Variants in NME1 observed in about 807,000 individuals in gnomAD.
NME1 encodes NME/NM23 nucleoside diphosphate kinase 1.
NME1 carries 9 observed loss-of-function variants against 17.2 expected under a neutral mutation model. That is an observed-to-expected ratio of 0.52 (90% CI 0.32 to 0.92). The LOEUF is 0.92. NME1 is among the 40% of genes least tolerant of loss of function. The probability of loss-of-function intolerance (pLI) is 0.04; values close to 1 mark genes in which losing one functional copy is unlikely to be tolerated. For missense variants in NME1, 169 were observed against 201.7 expected, an observed-to-expected ratio of 0.84 and a Z score of 0.98; for synonymous variants, 72 against 70.8, an observed-to-expected ratio of 1.02 and a Z score of -0.09.
chr17:51,156,288 A>G (rs536653254), intron 2 of NME1: 4 of 213,132 alleles, frequency 1.9e-5, no homozygotes, highest in Non-Finnish European at 3.8e-5. Context: ...CAGAAACAGC[A>G]GAGAGCAGAT....
At chr17:51,153,843 A>T (rs1018304940) in intron 1 of NME1, 181 bp downstream of exon 1, 3 of 167,220 alleles carry the variant, frequency 1.8e-5, no homozygotes, top group Admixed American at 1.7e-4. Flanking sequence ...GTCCCACGCC[A>T]CGTGGACTCG....
Position 51,162,062 on chromosome 17 carries a change from T to C in NME1, c.*217T>C, listed in dbSNP as rs2049872017. On this transcript the variant is annotated 3_prime_UTR_variant, in exon 5 of 5. Coordinates refer to ENST00000393196, the MANE Select transcript of NME1 (RefSeq NM_000269.3). Reference sequence around the variant, plus strand: ...AGGATTCATTGAGTTGGTTACTTCATATTGTTGCATTGCTTTTTTTTCCTT... The same window carrying C: ...AGGATTCATTGAGTTGGTTACTTCACATTGTTGCATTGCTTTTTTTTCCTT... 1.9e-6 allele frequency: 1 copy of C among 531,734 alleles called. No homozygotes were observed. Among genetic ancestry groups the C allele is most frequent in the African/African-American group, 1.9e-5 (1 of 52,390 alleles). 32.9% of individuals were successfully genotyped at this position (531,734 alleles called of 1,614,324 possible).
Position 51,161,751 on chromosome 17 carries a change from C to G in NME1, c.365C>G (p.Ser122Cys). 1 of 1,613,732 alleles carries G rather than the reference C, an allele frequency of 6.2e-7. No individual in the cohort carries two copies. Among genetic ancestry groups the G allele is most frequent in the African/African-American group, 1.3e-5 (1 of 75,056 alleles). ...VGRNIIHGSD[S>C]VESAEKEIGL... is the part of the protein sequence containing the mutation. Reference sequence around the variant, plus strand: ...AGGAACATTATACATGGCAGTGATTCTGTGGAGAGTGCAGAGAAGGAGATC... The same window carrying G: ...AGGAACATTATACATGGCAGTGATTGTGTGGAGAGTGCAGAGAAGGAGATC... The change falls in exon 5 of 5, where the codon TCT becomes TGT. Residue 122 changes from serine (S) to cysteine (C), a missense_variant. Transcript: ENST00000393196.
chr17:51,158,095 C>T (rs2049812728), intron 2 of NME1, among the ~76,000 whole-genome samples: 1 of 152,154 alleles, frequency 6.6e-6, no homozygotes, highest in Non-Finnish European at 1.5e-5. Context: ...GCCTGGCCAA[C>T]GTGGTGAAAC....
rs758225559 is a variant in NME1 at position 51,161,798 on chromosome 17, G to C, written c.412G>C (p.Glu138Gln). 6.2e-7 allele frequency: 1 copy of C among 1,614,050 alleles called. No homozygotes were observed. The highest frequency in any genetic ancestry group is 8.5e-7 in the Non-Finnish European group (1 of 1,179,926). Residue 138 changes from glutamate to glutamine, a missense_variant, in exon 5 of 5, where the codon GAA (glutamate) becomes CAA (glutamine). By Grantham distance (29) the Glu-to-Gln change is conservative. Coordinates refer to ENST00000393196, the MANE Select transcript of NME1 (RefSeq NM_000269.3). ...GATCGGCTTGTGGTTTCACCCTGAG[G>C]AACTGGTAGATTACACGAGCTGTGC... ...KEIGLWFHPE[E>Q]LVDYTSCAQN...
chr17:51,157,129 G>A (rs1241493742), intron 2 of NME1, among the ~76,000 whole-genome samples: 2 of 151,764 alleles, frequency 1.3e-5, no homozygotes, highest in African/African-American at 4.8e-5. Flanking sequence ...TACTTCCTAT[G>A]TGATATTTTA....
At chr17:51,155,349 G>A (rs1420529732) in intron 1 of NME1, among the ~76,000 whole-genome samples, 1 of 152,012 alleles carries the variant, frequency 6.6e-6, no homozygotes, top group Non-Finnish European at 1.5e-5. Context: ...AAGAGTTCGA[G>A]ACCAGCGTGG....
At chr17:51,154,556 T>C in intron 1 of NME1, 1 of 880,624 alleles carries the variant, frequency 1.1e-6, no homozygotes, top group Non-Finnish European at 1.9e-6. Flanking sequence ...TGTCTGTAGT[T>C]CTCCCACACC....
intron 3 of NME1, among the ~76,000 whole-genome samples, chr17:51,160,778 C>G (rs1301639585): frequency 6.6e-6 from 1 of 151,826 alleles, no homozygotes. Context: ...CCCAGCTAAT[C>G]TTTTCGTATT....
chr17:51,160,610 CTTT>C (rs1161137953), intron 3 of NME1: 652 of 182,364 alleles, frequency 3.6e-3, no homozygotes, highest in South Asian at 8.2e-3. Flanking sequence ...CTTGGCATTT[CTTT>C]TTTTTTTTTT....
rs181764594 is a variant in NME1 at position 51,154,424 on chromosome 17, T to A, written c.-5+762T>A. ...TCGTCTTTCAAGGCGAGGGGCCTCC[T>A]ATCTCAAGCTGTGATACAGGGTAGG... On this transcript the variant is annotated intron_variant, in intron 1 of 4. Coordinates refer to ENST00000393196, the MANE Select transcript of NME1 (RefSeq NM_000269.3). 7 of 1,612,498 alleles carry A rather than the reference T, an allele frequency of 4.3e-6. No homozygotes were observed. In the Admixed American group the frequency reaches 8.3e-5, roughly 19 times the overall value.
intron 1 of NME1, chr17:51,154,551 G>C: frequency 1.1e-6 from 1 of 946,476 alleles, no homozygotes; most frequent in Non-Finnish European, 1.7e-6. Context: ...CCTAATGTCT[G>C]TAGTTCTCCC....
In NME1 at chr17:51,154,487, C is replaced by T. The variant is rs370847734; in HGVS notation, c.-5+825C>T. 1.8e-5 allele frequency: 28 copies of T among 1,528,364 alleles called. No homozygotes were observed. In the African/African-American group the frequency reaches 3.6e-4, roughly 19 times the overall value. The allele number at this position is 1,528,364 out of a possible 1,614,324, so 94.7% of individuals were successfully genotyped here. On this transcript the variant is annotated intron_variant, in intron 1 of 4. Coordinates refer to ENST00000393196, the MANE Select transcript of NME1 (RefSeq NM_000269.3). ...TCTTCTGTAAAATGAGGGATCTGGA[C>T]GGAATAGTTACTCTCTAGGCTTCCT...
Position 51,155,782 on chromosome 17 carries a change from T to C in NME1, c.126+2T>C. On this transcript the variant is annotated splice_donor_variant, in intron 2 of 4. Transcript: ENST00000393196. LOFTEE classifies it high-confidence loss of function. ...CTTGTTGGTCTGAAATTCATGCAAG[T>C]AAGTGGACTTCATTGTTCCCATTTT... 1 of 1,613,554 alleles carries C rather than the reference T, an allele frequency of 6.2e-7. No homozygotes were observed. Among genetic ancestry groups the C allele is most frequent in the South Asian group, 1.1e-5 (1 of 91,064 alleles).
intron 2 of NME1, among the ~76,000 whole-genome samples, chr17:51,156,845 C>T (rs867988002): frequency 6.8e-6 from 1 of 147,534 alleles, no homozygotes; most frequent in Non-Finnish European, 1.5e-5. Flanking sequence ...TGACCGAGAT[C>T]GCATCATTGC....
At chr17:51,159,458 A>T (rs1268239400) in intron 2 of NME1, among the ~76,000 whole-genome samples, 2 of 152,206 alleles carry the variant, frequency 1.3e-5, no homozygotes, top group Non-Finnish European at 2.9e-5. Flanking sequence ...TTGGCCAGGC[A>T]TGATGGCCGC....
intron 3 of NME1, chr17:51,160,455 G>C: frequency 2.7e-6 from 1 of 371,768 alleles, no homozygotes; most frequent in Non-Finnish European, 5.2e-6. Flanking sequence ...TGAAGTACGG[G>C]AGGAGAGTTG....
In NME1 at chr17:51,160,010, G is replaced by GTCC; in HGVS notation, c.158_159insCCT (p.Val53_Asp54insLeu). On this transcript the variant is annotated inframe_insertion, in exon 3 of 5. Transcript: ENST00000393196. ...CGAAGATCTTCTCAAGGAACACTAC[G>GTCC]TTGACCTGAAGGACCGTCCATTCTT... is the stretch of plus-strand genomic sequence containing the variant. 1.2e-6 allele frequency: 2 copies of GTCC among 1,614,110 alleles called. No individual in the cohort carries two copies. The highest frequency in any genetic ancestry group is 1.7e-6 in the Non-Finnish European group (2 of 1,180,008).
rs2049740718 is a variant in NME1, at chr17:51,153,647, C to T, written c.-20C>T. On this transcript the variant is annotated 5_prime_UTR_variant, in exon 1 of 5. Coordinates refer to ENST00000393196, the MANE Select transcript of NME1 (RefSeq NM_000269.3). ...TGGCGGCTGCAGCCGGAGTTCAAAC[C>T]TAAGCAGCTGGAAGGGTAAGAGGTG... 6.5e-6 allele frequency: 1 copy of T among 152,876 alleles called. No homozygotes were observed. Among genetic ancestry groups the T allele is most frequent in the Non-Finnish European group, 1.5e-5 (1 of 68,548 alleles). 9.5% of individuals were successfully genotyped at this position (152,876 alleles called of 1,614,324 possible).
Sources: allele counts gnomAD v4.1 joint callset (sites outside exome capture counted in the v4.1 genomes callset), GRCh38; gene constraint gnomAD v4.1.1; transcripts MANE v1.5; gene names NCBI Gene and HGNC (gene_info 2026-07-23, HGNC 2026-07-21).